The following XYLT1 variants were observed in gnomAD, a reference collection of about 807,000 sequenced individuals.
XYLT1 encodes the protein xylosyltransferase 1, also known as beta-D-xylosyltransferase 1.
A neutral mutation model predicts 91.3 loss-of-function variants in XYLT1; 36 were observed. The ratio of observed to expected loss-of-function variants is 0.39; its 90% CI spans 0.30 to 0.52. The LOEUF (loss-of-function observed/expected upper bound fraction) is 0.52. XYLT1 is among the 20% of genes least tolerant of loss of function. The pLI is 0.68. For missense variants in XYLT1, 1,242 were observed against 1,284.5 expected, an observed-to-expected ratio of 0.97 and a Z score of 0.51; for synonymous variants, 588 against 532.0, an observed-to-expected ratio of 1.11 and a Z score of -1.45.
At chr16:17,205,449 C>G (rs997199796) in intron 3 of XYLT1, among the ~76,000 whole-genome samples, 1 of 152,212 alleles carries the variant, frequency 6.6e-6, no homozygotes, top group African/African-American at 2.4e-5. Context: ...TGTGAATGAC[C>G]TTGGACCTTT....
intron 1 of XYLT1, among the ~76,000 whole-genome samples, chr16:17,369,013 G>A (rs770734042): frequency 6.6e-6 from 1 of 150,418 alleles, no homozygotes; most frequent in Non-Finnish European, 1.5e-5. Flanking sequence ...GAAAGCCACA[G>A]AGCCAGGCCC....
chr16:17,329,394 A>C (rs2034862853), intron 2 of XYLT1, among the ~76,000 whole-genome samples: 1 of 152,246 alleles, frequency 6.6e-6, no homozygotes, highest in Non-Finnish European at 1.5e-5. Context: ...CAATTGGAAA[A>C]CATAGTAGAT....
intron 3 of XYLT1, among the ~76,000 whole-genome samples, chr16:17,203,180 A>G (rs950450064): frequency 1.3e-5 from 2 of 152,184 alleles, no homozygotes; most frequent in African/African-American, 2.4e-5. Context: ...AAAAGTTTAT[A>G]ACAATTGCTT....
intron 3 of XYLT1, among the ~76,000 whole-genome samples, chr16:17,215,604 T>A (rs1481414793): frequency 6.6e-6 from 1 of 152,150 alleles, no homozygotes; most frequent in Non-Finnish European, 1.5e-5. Flanking sequence ...TAATTTTTTT[T>A]AAATGATAGC....
intron 3 of XYLT1, among the ~76,000 whole-genome samples, chr16:17,208,744 C>T (rs8055790): frequency 0.54 from 81,443 of 151,458 alleles, 23,176 homozygotes; most frequent in South Asian, 0.73. Flanking sequence ...TTTTTTGGTT[C>T]GAGATGGAAT....
At chr16:17,132,804 G>A (rs1287475531) in intron 9 of XYLT1, among the ~76,000 whole-genome samples, 1 of 152,172 alleles carries the variant, frequency 6.6e-6, no homozygotes, top group Non-Finnish European at 1.5e-5. Flanking sequence ...TCAGGAGGCT[G>A]AGGCAGAAGA....
chr16:17,168,285 T>G (rs921924206), intron 5 of XYLT1, among the ~76,000 whole-genome samples: 4 of 152,182 alleles, frequency 2.6e-5, no homozygotes, highest in Non-Finnish European at 5.9e-5. Context: ...ATCATGTCCT[T>G]TGCTGCAATA....
chr16:17,406,297 CAAAT>C (rs1196278121), intron 1 of XYLT1, among the ~76,000 whole-genome samples: 2 of 152,200 alleles, frequency 1.3e-5, no homozygotes, highest in Non-Finnish European at 2.9e-5. Flanking sequence ...GTACATTAGT[CAAAT>C]AAATAGTCAC....
intron 2 of XYLT1, among the ~76,000 whole-genome samples, chr16:17,339,708 G>A (rs2035038106): frequency 6.6e-6 from 1 of 152,218 alleles, no homozygotes; most frequent in South Asian, 2.1e-4. Flanking sequence ...GAGCTCACTG[G>A]TGGCAGGGCA....
At chr16:17,360,601 TC>T (rs1224447027) in intron 1 of XYLT1, among the ~76,000 whole-genome samples, 5 of 152,176 alleles carry the variant, frequency 3.3e-5, no homozygotes, top group Non-Finnish European at 7.3e-5. Context: ...CATTATGCTC[TC>T]CTCCCTCTGC....
chr16:17,414,092 C>A (rs1304637456), intron 1 of XYLT1, among the ~76,000 whole-genome samples: 1 of 152,058 alleles, frequency 6.6e-6, no homozygotes, highest in African/African-American at 2.4e-5. Context: ...TTACTCCTGT[C>A]TTCTGCCTCC....
intron 3 of XYLT1, among the ~76,000 whole-genome samples, chr16:17,220,542 G>A (rs1050384067): frequency 6.6e-5 from 10 of 152,192 alleles, no homozygotes; most frequent in Middle Eastern, 3.4e-3. Flanking sequence ...CCGCAATCTC[G>A]GCTCACTGCA....
chr16:17,146,639 A>G (rs1349302009), intron 6 of XYLT1, among the ~76,000 whole-genome samples: 1 of 152,202 alleles, frequency 6.6e-6, no homozygotes. Flanking sequence ...TGAATAAAAC[A>G]TCTCTCTAGG....
At position 17,127,772 on chromosome 16, in the gene XYLT1, T is replaced by C. The variant is rs779078093; in HGVS notation, c.2117A>G (p.Asn706Ser). The change falls in exon 10 of 12, where the codon AAT becomes AGT. Residue 706 changes from asparagine (N) to serine (S), a missense_variant. Transcript: ENST00000261381. ...AGTCTCTAGTTTGCTCACAGCCAGA[T>C]TGGTAGCATGATGCTTGATCAGAAA... is the stretch of plus-strand genomic sequence containing the variant. The part of the protein sequence containing the change: ...QGFLIKHHAT[N>S]LAVSKLETLE... 27 of 1,614,044 alleles carry C rather than the reference T, an allele frequency of 1.7e-5. No homozygotes were observed. The highest frequency in any genetic ancestry group is 1.6e-4 in the Middle Eastern group (1 of 6,084).
At chr16:17,188,891 A>G (rs985676429) in intron 5 of XYLT1, among the ~76,000 whole-genome samples, 1 of 152,194 alleles carries the variant, frequency 6.6e-6, no homozygotes, top group Non-Finnish European at 1.5e-5. Context: ...CAGCTAGTAA[A>G]TAAAGAAGCT....
chr16:17,372,810 A>G (rs2035552733), intron 1 of XYLT1, among the ~76,000 whole-genome samples: 1 of 152,224 alleles, frequency 6.6e-6, no homozygotes, highest in Admixed American at 6.5e-5. Context: ...CGAAGTAGGA[A>G]TAATAATAAT....
intron 1 of XYLT1, among the ~76,000 whole-genome samples, chr16:17,387,914 C>T (rs544753731): frequency 3.3e-5 from 5 of 152,306 alleles, no homozygotes; most frequent in Non-Finnish European, 7.4e-5. Context: ...ATGAGTTTCT[C>T]TTTTCCCAGA....
intron 1 of XYLT1, among the ~76,000 whole-genome samples, chr16:17,390,208 CCT>C (rs1450669188): frequency 6.6e-6 from 1 of 152,044 alleles, no homozygotes; most frequent in Non-Finnish European, 1.5e-5. Flanking sequence ...AATATAGGGC[CCT>C]GAGCCGAACC....
intron 2 of XYLT1, among the ~76,000 whole-genome samples, chr16:17,356,738 C>T (rs1213567133): frequency 6.6e-6 from 1 of 152,198 alleles, no homozygotes; most frequent in African/African-American, 2.4e-5. Flanking sequence ...AAGCTATTCA[C>T]TGTGGGGCTC....
Sources: gnomAD v4.1 joint callset for allele counts (sites outside exome capture counted in the v4.1 genomes callset) on GRCh38, gnomAD v4.1.1 for gene constraint, MANE v1.5 for transcripts, NCBI Gene and HGNC (gene_info 2026-07-23, HGNC 2026-07-21) for gene names.